LRRK1: variants seen among roughly 807,000 people sequenced by gnomAD.
LRRK1 encodes the protein leucine rich repeat kinase 1.
A neutral mutation model predicts 209.1 loss-of-function variants in LRRK1; 113 were observed. That is an observed-to-expected ratio of 0.54 (90% CI 0.46 to 0.63). The LOEUF (loss-of-function observed/expected upper bound fraction) is 0.63. Among genes scored for constraint, LRRK1 ranks in the 30% least tolerant of loss-of-function variants. LRRK1 has a pLI of 0.00. For missense variants in LRRK1, 2,284 were observed against 2,632.2 expected (o/e 0.87, Z 2.89); for synonymous variants, 1,144 against 1,099.7 (o/e 1.04, Z -0.80).
At chr15:100,996,669 T>C (rs1458904440) in intron 6 of LRRK1, among the ~76,000 whole-genome samples, 1 of 152,214 alleles carries the variant, frequency 6.6e-6, no homozygotes. Flanking sequence ...TAGTGCTTCA[T>C]AGAACTCGAA....
In LRRK1 at chr15:100,924,578, A is replaced by G; in HGVS notation, c.-55A>G. The G allele has an allele frequency of 3.4e-6, 5 of 1,476,756 alleles. No homozygotes were observed. Among genetic ancestry groups the G allele is most frequent in the Non-Finnish European group, 4.7e-6 (5 of 1,055,990 alleles). 91.5% of individuals were successfully genotyped at this position (1,476,756 alleles called of 1,614,324 possible). The stretch of plus-strand genomic sequence containing the variant: ...CTTAATGCACCCCACAGCCAGCGGC[A>G]GTGGCAGTGACAACAGCGGGACCTG... On this transcript the variant is annotated 5_prime_UTR_variant, in exon 2 of 34. Transcript: ENST00000388948.
rs189124772 is a variant in LRRK1 at position 100,987,540 on chromosome 15, C to G, written c.434-1094C>G. On this transcript the variant is annotated intron_variant, in intron 4 of 33. Coordinates refer to ENST00000388948, the MANE Select transcript of LRRK1 (RefSeq NM_024652.6). Reference sequence around the variant, plus strand: ...ACTTTTAGGCCTGACAGATCTTTCACCAAAGCTTTTATTATTATTATTCAT... The same window carrying G: ...ACTTTTAGGCCTGACAGATCTTTCAGCAAAGCTTTTATTATTATTATTCAT... 3.9e-5 allele frequency among the ~76,000 whole-genome samples: 6 copies of G among 152,174 alleles called. No homozygotes were observed. In the East Asian group the frequency reaches 1.2e-3, roughly 29 times the overall value.
intron 24 of LRRK1, 81 bp downstream of exon 24, chr15:101,052,041 AG>A (rs1242167292): frequency 6.6e-7 from 1 of 1,524,844 alleles, no homozygotes. Flanking sequence ...AGTGATCTCC[AG>A]GAAGACCCCT....
chr15:100,964,354 G>A (rs1240408699), intron 2 of LRRK1, among the ~76,000 whole-genome samples: 4 of 152,182 alleles, frequency 2.6e-5, no homozygotes, highest in African/African-American at 4.8e-5. Context: ...ATGCTGAAAC[G>A]CTAGAGTGAT....
In LRRK1 at chr15:101,046,136, C is replaced by T. The variant is rs766117523; in HGVS notation, c.3119C>T (p.Ala1040Val). The T allele has an allele frequency of 6.8e-6, 11 of 1,614,084 alleles. No individual in the cohort carries two copies. The highest frequency in any genetic ancestry group is 1.1e-5 in the South Asian group (1 of 91,092). Residue 1040 changes from alanine (A) to valine (V), a missense_variant, in exon 21 of 34, where the codon GCG (alanine) becomes GTG (valine). Ala to Val is a moderately conservative substitution (Grantham distance 64). Coordinates refer to ENST00000388948, the MANE Select transcript of LRRK1 (RefSeq NM_024652.6). ...ATAGCACGGATGCTGATCAGCCTGGCGGAGATGGACCTGCAGGTATTATGG... is the reference window on the plus strand; with the variant it reads ...ATAGCACGGATGCTGATCAGCCTGGTGGAGATGGACCTGCAGGTATTATGG... ...RFIARMLISL[A>V]EMDLQLFENK...
chr15:101,051,042 C>T (rs564875499), intron 23 of LRRK1, among the ~76,000 whole-genome samples: 1 of 152,206 alleles, frequency 6.6e-6, no homozygotes, highest in South Asian at 2.1e-4. Flanking sequence ...GCCAGCATCC[C>T]CAGCCAGGGG....
At chr15:101,015,526 A>C (rs574228981) in intron 12 of LRRK1, 124 bp downstream of exon 12, 1 of 676,732 alleles carries the variant, frequency 1.5e-6, no homozygotes, top group Non-Finnish European at 2.6e-6. Flanking sequence ...TTGCAATGCC[A>C]CAGATGTCCA....
At chr15:100,960,277 C>CTTTTTT (rs3031656) in intron 2 of LRRK1, among the ~76,000 whole-genome samples, 4 of 116,752 alleles carry the variant, frequency 3.4e-5, no homozygotes, top group African/African-American at 1.3e-4. Flanking sequence ...GTTCATATTG[C>CTTTTTT]TTTTTTTTTT....
In LRRK1 at chr15:101,021,050, C is replaced by T. The variant is rs779396244; in HGVS notation, c.1610-3C>T. 4.3e-6 allele frequency: 7 copies of T among 1,614,068 alleles called. No individual in the cohort carries two copies. Among genetic ancestry groups the T allele is most frequent in the Non-Finnish European group, 5.9e-6 (7 of 1,179,960 alleles). ...TGCAGTCTGCTTTGCCATGTCTTTG[C>T]AGCAAGTGTGCTGGAATTTCCGGCC... On this transcript the variant is annotated splice_polypyrimidine_tract_variant and splice_region_variant and intron_variant, in intron 12 of 33. Coordinates refer to ENST00000388948, the MANE Select transcript of LRRK1 (RefSeq NM_024652.6).
At position 101,022,290 on chromosome 15, in the gene LRRK1, AAAG is replaced by A. The variant is rs1042932150; in HGVS notation, c.1853-89_1853-87del. The A allele has an allele frequency of 3.2e-6, 4 of 1,245,954 alleles. No homozygotes were observed. In the Admixed American group the frequency reaches 5.3e-5, roughly 16 times the overall value. 77.2% of individuals were successfully genotyped at this position (1,245,954 alleles called of 1,614,324 possible). ...TCCTTAACTGTCCCCACTAAAACAC[AAAG>A]AAGGAGTTCCTTCACAACAGGATTT... is the stretch of plus-strand genomic sequence containing the variant. On this transcript the variant is annotated intron_variant, in intron 14 of 33. Transcript: ENST00000388948. This position sits in a 1 kb window ranked among gnomAD's most constrained non-coding sequence, Gnocchi z 4.0.
Position 100,962,819 on chromosome 15 carries a change from ATATATTT to A in LRRK1, c.98-10983_98-10977del, listed in dbSNP as rs1302129682. On this transcript the variant is annotated intron_variant, in intron 2 of 33. Transcript: ENST00000388948. ...CATATATATATATATATATATATATATATATTTTTTTTTTTTTTTTTGAGATGGAGTT... is the reference window on the plus strand; with the variant it reads ...CATATATATATATATATATATATATATTTTTTTTTTTTTTGAGATGGAGTT... Among the ~76,000 whole-genome samples the A allele has an allele frequency of 2.3e-3, 44 of 18,838 alleles. 1 individual carries two copies. Among genetic ancestry groups the A allele is most frequent in the Non-Finnish European group, 4.2e-3 (37 of 8,732 alleles). The allele number at this position is 18,838 out of a possible 152,430, so 12.4% of individuals were successfully genotyped here. A position where few individuals can be genotyped will look rare whatever the true frequency, so the allele number is the denominator to read the frequency against.
Position 101,054,947 on chromosome 15 carries a change from T to G in LRRK1, c.4056T>G (p.Asp1352Glu), listed in dbSNP as rs566579135. 1.9e-6 allele frequency: 3 copies of G among 1,570,664 alleles called. No individual in the cohort carries two copies. The highest frequency in any genetic ancestry group is 2.0e-5 in the Admixed American group (1 of 49,340). Residue 1352 changes from aspartate to glutamate, a missense_variant and splice_region_variant, in exon 27 of 34, where the codon GAT becomes GAG. Coordinates refer to ENST00000388948, the MANE Select transcript of LRRK1 (RefSeq NM_024652.6). ...TTGAAAATTGTTTTTCTTTGCAAGA[T>G]TCTTCCTTTATACCCCTGGGACACA... The part of the protein sequence containing the change: ...LNTVLSENAR[D>E]SSFIPLGHML...
chr15:101,000,697 G>A (rs576678498), intron 6 of LRRK1, among the ~76,000 whole-genome samples: 6 of 152,208 alleles, frequency 3.9e-5, no homozygotes, highest in South Asian at 2.1e-4. Flanking sequence ...TCTTCACATC[G>A]TCTTCCCGTT....
At chr15:100,963,975 G>A (rs553656833) in intron 2 of LRRK1, among the ~76,000 whole-genome samples, 3 of 152,272 alleles carry the variant, frequency 2.0e-5, no homozygotes, top group Admixed American at 1.3e-4. Context: ...CTGTCTATAT[G>A]TATAACCATC....
intron 2 of LRRK1, among the ~76,000 whole-genome samples, chr15:100,954,962 T>C (rs1262016676): frequency 1.3e-5 from 2 of 152,324 alleles, no homozygotes; most frequent in East Asian, 3.9e-4. Context: ...CTATGTTCTT[T>C]CTCAAGATTG....
chr15:100,939,943 C>T (rs953422510), intron 2 of LRRK1, among the ~76,000 whole-genome samples: 3 of 152,086 alleles, frequency 2.0e-5, no homozygotes, highest in African/African-American at 7.2e-5. Flanking sequence ...TTGATGCTAA[C>T]GCTGTTCCTC....
At position 101,027,907 on chromosome 15, in the gene LRRK1, C is replaced by T. The variant is rs73488854; in HGVS notation, c.2686+110C>T. On this transcript the variant is annotated intron_variant, in intron 19 of 33. Coordinates refer to ENST00000388948, the MANE Select transcript of LRRK1 (RefSeq NM_024652.6). The surrounding 1 kb of genome is among the most constrained non-coding windows in gnomAD (Gnocchi z 5.1). Reference sequence around the variant, plus strand: ...GAATGAGAGACCGACACCCAGCCTGCGTTTCTGCCTTCCATCCCCCTCCCC... The same window carrying T: ...GAATGAGAGACCGACACCCAGCCTGTGTTTCTGCCTTCCATCCCCCTCCCC... 4 of 1,007,444 alleles carry T rather than the reference C, an allele frequency of 4.0e-6. No individual in the cohort carries two copies. The highest frequency in any genetic ancestry group is 1.7e-5 in the South Asian group (1 of 58,654). The allele number at this position is 1,007,444 out of a possible 1,614,324, so 62.4% of individuals were successfully genotyped here.
chr15:101,048,647 G>A lies in LRRK1; in HGVS notation c.3289G>A (p.Gly1097Ser), dbSNP rs1266729329. The A allele has an allele frequency of 6.6e-7, 1 of 1,519,132 alleles. No homozygotes were observed. 94.1% of individuals were successfully genotyped at this position (1,519,132 alleles called of 1,614,324 possible). ...AGGGCTCCTGGTCACTTTTGATGGG[G>A]GCTACCTCAGGTAGGAACACCTGGA... ...QEGLLVTFDGGYLSVESSDVN... is the reference protein window; with the variant it reads ...QEGLLVTFDGSYLSVESSDVN... Residue 1097 changes from glycine (G) to serine (S), a missense_variant, in exon 22 of 34, where the codon GGC becomes AGC. By Grantham distance (56) the Gly-to-Ser change is moderately conservative. Coordinates refer to ENST00000388948, the MANE Select transcript of LRRK1 (RefSeq NM_024652.6).
intron 2 of LRRK1, among the ~76,000 whole-genome samples, chr15:100,939,596 T>C (rs1248387646): frequency 6.6e-6 from 1 of 152,252 alleles, no homozygotes; most frequent in Non-Finnish European, 1.5e-5. Context: ...TTTCGACTTT[T>C]CACACAATGG....
Sources: allele counts gnomAD v4.1 joint callset (sites outside exome capture counted in the v4.1 genomes callset), GRCh38; gene constraint gnomAD v4.1.1; non-coding constraint Gnocchi (gnomAD v3.1); transcripts MANE v1.5; gene names NCBI Gene and HGNC (gene_info 2026-07-23, HGNC 2026-07-21).